Variants in MARCHF10 observed in about 807,000 individuals in gnomAD.
MARCHF10 encodes the protein membrane associated ring-CH-type finger 10.
MARCHF10 carries 64 observed loss-of-function variants against 76.2 expected under a neutral mutation model. The ratio of observed to expected loss-of-function variants is 0.84; its 90% CI spans 0.69 to 1.03. The LOEUF (loss-of-function observed/expected upper bound fraction) is 1.03. Ranked by LOEUF, MARCHF10 falls within the 50% of genes least tolerant of loss-of-function variation. MARCHF10 has a pLI of 0.00. For missense variants in MARCHF10, 875 were observed against 958.0 expected, an observed-to-expected ratio of 0.91 and a Z score of 1.14; for synonymous variants, 340 against 357.5, an observed-to-expected ratio of 0.95 and a Z score of 0.55.
At chr17:62,796,155 C>T (rs943707444) in intron 2 of MARCHF10, among the ~76,000 whole-genome samples, 1 of 152,024 alleles carries the variant, frequency 6.6e-6, no homozygotes. Context: ...AGGTGTGCAC[C>T]ACCACACCCG....
intron 3 of MARCHF10, among the ~76,000 whole-genome samples, chr17:62,781,844 A>T (rs1443750922): frequency 6.6e-6 from 1 of 152,226 alleles, no homozygotes; most frequent in South Asian, 2.1e-4. Context: ...AAGTGTCAAA[A>T]TTTGGTAGTG....
At chr17:62,707,232 C>T (rs911931928) in intron 9 of MARCHF10, among the ~76,000 whole-genome samples, 4 of 152,244 alleles carry the variant, frequency 2.6e-5, no homozygotes, top group Non-Finnish European at 5.9e-5. Context: ...GTTCCATGGC[C>T]TCCAGAGCCG....
intron 10 of MARCHF10, 135 bp from the exon 11 acceptor site, chr17:62,701,893 G>A (rs2089260850): frequency 8.7e-7 from 1 of 1,148,182 alleles, no homozygotes; most frequent in Non-Finnish European, 1.3e-6. Context: ...CACAGTGCCT[G>A]GAACCGTGTG....
rs1417725825 is a variant in MARCHF10, at chr17:62,736,954, A to G, written c.914T>C (p.Val305Ala). 1.2e-6 allele frequency: 2 copies of G among 1,614,000 alleles called. No homozygotes were observed. Among genetic ancestry groups the G allele is most frequent in the Admixed American group, 3.3e-5 (2 of 59,988 alleles). Reference sequence around the variant, plus strand: ...ATGGGAAGGAGAACAGGGTGAGCGCACACCAACCCACAGACATTCTTCAGA... The same window carrying G: ...ATGGGAAGGAGAACAGGGTGAGCGCGCACCAACCCACAGACATTCTTCAGA... The part of the protein sequence containing the change: ...TQSEECLWVG[V>A]RSPCSPSHHK... Residue 305 changes from valine (V) to alanine (A), a missense_variant, in exon 6 of 11, where the codon GTG becomes GCG. Val to Ala is a moderately conservative substitution (Grantham distance 64, BLOSUM62 0). Coordinates refer to ENST00000311269, the MANE Select transcript of MARCHF10 (RefSeq NM_152598.4).
At chr17:62,723,258 C>T (rs1043659207) in intron 7 of MARCHF10, among the ~76,000 whole-genome samples, 2 of 149,688 alleles carry the variant, frequency 1.3e-5, no homozygotes, top group African/African-American at 4.9e-5. Flanking sequence ...TTATCCTATT[C>T]CCCAATGCAA....
chr17:62,800,627 A>T lies in MARCHF10; in HGVS notation c.90+1019T>A, dbSNP rs1166345123. 2.6e-5 allele frequency among the ~76,000 whole-genome samples: 4 copies of T among 152,308 alleles called. No homozygotes were observed. In the East Asian group the frequency reaches 7.7e-4, roughly 29 times the overall value. The stretch of plus-strand genomic sequence containing the variant: ...TTGCTAAGAAGGGGAAAAACCTGAT[A>T]ACAGCAGTTCTGTGTTTTCCTCAGG... On this transcript the variant is annotated intron_variant, in intron 2 of 10. Transcript: ENST00000311269.
At position 62,808,146 on chromosome 17, in the gene MARCHF10, G is replaced by A. The variant is rs1296211221; in HGVS notation, c.-87C>T. On this transcript the variant is annotated 5_prime_UTR_variant, in exon 1 of 11. Transcript: ENST00000311269. ...GGGGCTGGGCGGGCGGGCCGGTCCA[G>A]GGCGCAGGAGCCGCCCATTAATTGC... 1 of 152,624 alleles carries A rather than the reference G, an allele frequency of 6.6e-6. No individual in the cohort carries two copies. The highest frequency in any genetic ancestry group is 2.4e-5 in the African/African-American group (1 of 41,446). 9.5% of individuals were successfully genotyped at this position (152,624 alleles called of 1,614,324 possible). A position where few individuals can be genotyped will look rare whatever the true frequency, so the allele number is the denominator to read the frequency against.
intron 4 of MARCHF10, among the ~76,000 whole-genome samples, chr17:62,745,021 C>G (rs1247434409): frequency 3.4e-5 from 4 of 119,372 alleles, no homozygotes; most frequent in African/African-American, 8.8e-5. Flanking sequence ...AAAAAAAAAG[C>G]CTCCTTCATA....
At chr17:62,730,572 T>C (rs941665883) in intron 6 of MARCHF10, among the ~76,000 whole-genome samples, 5 of 152,122 alleles carry the variant, frequency 3.3e-5, no homozygotes, top group African/African-American at 1.2e-4. Flanking sequence ...GTTATTTCTA[T>C]TTTCTGGATC....
chr17:62,702,817 C>T (rs2089326177), intron 10 of MARCHF10, among the ~76,000 whole-genome samples: 1 of 152,214 alleles, frequency 6.6e-6, no homozygotes, highest in African/African-American at 2.4e-5. Context: ...GCCCAAGCCC[C>T]TGAGCTGCCC....
intron 4 of MARCHF10, 58 bp downstream of exon 4, chr17:62,759,777 T>A: frequency 6.4e-7 from 1 of 1,567,478 alleles, no homozygotes; most frequent in South Asian, 1.2e-5. Context: ...GGCCTGTTGT[T>A]GTTATTTTTA....
At chr17:62,709,092 T>A (rs1201493130) in intron 9 of MARCHF10, among the ~76,000 whole-genome samples, 3 of 152,234 alleles carry the variant, frequency 2.0e-5, no homozygotes, top group Non-Finnish European at 4.4e-5. Context: ...CAGGGCGTCA[T>A]GTCTAGCGTC....
rs1395933204 is a variant in MARCHF10 at position 62,711,539 on chromosome 17, T to C, written c.2215-195A>G. Among the ~76,000 whole-genome samples, 2 of 151,948 alleles carry C rather than the reference T, an allele frequency of 1.3e-5. No homozygotes were observed. The highest frequency in any genetic ancestry group is 2.1e-4 in the South Asian group (1 of 4,820). On this transcript the variant is annotated intron_variant, in intron 8 of 10. Transcript: ENST00000311269. The surrounding 1 kb of genome is among the most constrained non-coding windows in gnomAD (Gnocchi z 4.4). ...GTAGAGGCCAGGGCAGCCACTCCCCTGGGATTTTTTACTAGCTAGTGGAGG... is the reference window on the plus strand; with the variant it reads ...GTAGAGGCCAGGGCAGCCACTCCCCCGGGATTTTTTACTAGCTAGTGGAGG...
intron 10 of MARCHF10, chr17:62,704,810 C>T (rs1327850306): frequency 5.9e-6 from 3 of 504,224 alleles, no homozygotes; most frequent in African/African-American, 2.1e-5. Flanking sequence ...TGAAATTTTC[C>T]CCCAGAAGAA....
At chr17:62,709,297 T>C (rs2089780226) in intron 9 of MARCHF10, among the ~76,000 whole-genome samples, 1 of 152,070 alleles carries the variant, frequency 6.6e-6, no homozygotes, top group Non-Finnish European at 1.5e-5. Context: ...CTGACCAACA[T>C]GGTGAAACCC....
chr17:62,702,814 C>G (rs1194862495), intron 10 of MARCHF10, among the ~76,000 whole-genome samples: 1 of 152,206 alleles, frequency 6.6e-6, no homozygotes, highest in Non-Finnish European at 1.5e-5. Flanking sequence ...GAAGCCCAAG[C>G]CCCTGAGCTG....
intron 6 of MARCHF10, among the ~76,000 whole-genome samples, chr17:62,734,903 C>G (rs1395342642): frequency 6.6e-6 from 1 of 152,144 alleles, no homozygotes; most frequent in Non-Finnish European, 1.5e-5. Context: ...AGACTTCTGA[C>G]AAGTAGGTCT....
rs1449464226 is a variant in MARCHF10, at chr17:62,738,903, A to G, written c.536-1571T>C. On this transcript the variant is annotated intron_variant, in intron 5 of 10. Transcript: ENST00000311269. This position sits in a 1 kb window ranked among gnomAD's most constrained non-coding sequence, Gnocchi z 4.0. ...TTTGAGCATCTGGCTGTGGAACTAC[A>G]GCGCTGGAGCTGGTGGCGAGGCCAC... Among the ~76,000 whole-genome samples, 1 of 152,242 alleles carries G rather than the reference A, an allele frequency of 6.6e-6. No individual in the cohort carries two copies. The highest frequency in any genetic ancestry group is 1.5e-5 in the Non-Finnish European group (1 of 68,034).
intron 6 of MARCHF10, among the ~76,000 whole-genome samples, chr17:62,733,032 C>T (rs1431108301): frequency 7.2e-6 from 1 of 139,568 alleles, no homozygotes; most frequent in African/African-American, 2.6e-5. Context: ...AAGAAAAAGA[C>T]AAACTAGACA....
Sources: allele counts gnomAD v4.1 joint callset (sites outside exome capture counted in the v4.1 genomes callset), GRCh38; gene constraint gnomAD v4.1.1; non-coding constraint Gnocchi (gnomAD v3.1); transcripts MANE v1.5; gene names NCBI Gene and HGNC (gene_info 2026-07-23, HGNC 2026-07-21).